Variants in CRTAC1 observed in about 807,000 individuals in gnomAD.
The protein encoded by CRTAC1 is cartilage acidic protein 1, also known as acidic secreted protein in cartilage.
In CRTAC1, 37 loss-of-function variants were observed where a neutral mutation model predicts 67.8. That is an observed-to-expected ratio of 0.55 (90% CI 0.42 to 0.72). The LOEUF is 0.72. CRTAC1 is among the 30% of genes least tolerant of loss of function. CRTAC1 has a pLI of 0.00. For synonymous variants in CRTAC1, 348 were observed against 371.0 expected, an observed-to-expected ratio of 0.94 and a Z score of 0.71; for missense variants, 780 against 931.6, an observed-to-expected ratio of 0.84 and a Z score of 2.12.
At chr10:97,982,167 A>G (rs2051902311) in intron 2 of CRTAC1, among the ~76,000 whole-genome samples, 1 of 152,192 alleles carries the variant, frequency 6.6e-6, no homozygotes, top group Admixed American at 6.5e-5. Flanking sequence ...GACTCACTCA[A>G]ATGATAGCTA....
At chr10:97,956,873 C>T (rs1554926558) in intron 2 of CRTAC1, among the ~76,000 whole-genome samples, 1 of 151,788 alleles carries the variant, frequency 6.6e-6, no homozygotes, top group Non-Finnish European at 1.5e-5. Context: ...GTGGTGTGAT[C>T]TCAGCACACT....
intron 1 of CRTAC1, among the ~76,000 whole-genome samples, chr10:98,019,074 G>T (rs114128941): frequency 3.5e-4 from 53 of 152,254 alleles, no homozygotes; most frequent in East Asian, 2.9e-3. Flanking sequence ...GTTAGCTGGG[G>T]GGGGAGCTGG....
At chr10:97,905,857 C>T (rs1211519860) in intron 6 of CRTAC1, among the ~76,000 whole-genome samples, 28 of 152,212 alleles carry the variant, frequency 1.8e-4, no homozygotes, top group Admixed American at 1.4e-3. Flanking sequence ...ATACTATCCA[C>T]GGAGTGGGTG....
chr10:97,885,231 G>C (rs2050266091), intron 11 of CRTAC1, among the ~76,000 whole-genome samples: 1 of 152,174 alleles, frequency 6.6e-6, no homozygotes, highest in Admixed American at 6.5e-5. Context: ...TGGGCATGGT[G>C]GCTCATGCCT....
intron 2 of CRTAC1, among the ~76,000 whole-genome samples, chr10:97,994,685 C>A (rs1466007381): frequency 3.3e-5 from 5 of 152,156 alleles, no homozygotes. Flanking sequence ...GATTCAACAG[C>A]AAAGGGAGAA....
intron 11 of CRTAC1, among the ~76,000 whole-genome samples, chr10:97,887,121 C>T (rs577241922): frequency 5.3e-5 from 8 of 151,954 alleles, no homozygotes; most frequent in African/African-American, 1.9e-4. Context: ...AGAACAGCTA[C>T]ATGAATGTGT....
Position 97,884,243 on chromosome 10 carries a change from C to T in CRTAC1, c.1595G>A (p.Arg532Gln), listed in dbSNP as rs148785173. Residue 532 changes from arginine to glutamine, a missense_variant, in exon 12 of 15, where the codon CGG (arginine) becomes CAG (glutamine). Coordinates refer to ENST00000370597, the MANE Select transcript of CRTAC1 (RefSeq NM_018058.7). The part of the protein sequence containing the change: ...MNSVLEILYP[R>Q]DEDTLQDPAP... Reference sequence around the variant, plus strand: ...TGGGTCCTGAAGTGTGTCCTCATCCCGGGGGTAGAGGATCTCCAGCACTGA... The same window carrying T: ...TGGGTCCTGAAGTGTGTCCTCATCCTGGGGGTAGAGGATCTCCAGCACTGA... 3.3e-5 allele frequency: 52 copies of T among 1,567,692 alleles called. No homozygotes were observed. Among genetic ancestry groups the T allele is most frequent in the Middle Eastern group, 1.9e-4 (1 of 5,226 alleles).
chr10:97,901,364 A>C, intron 8 of CRTAC1, 139 bp downstream of exon 8: 1 of 970,978 alleles, frequency 1.0e-6, no homozygotes, highest in Non-Finnish European at 1.5e-6. Flanking sequence ...CTGTTTCTTC[A>C]TCAGGGGACC....
intron 14 of CRTAC1, chr10:97,871,594 T>A (rs571709287): frequency 6.6e-6 from 1 of 152,340 alleles, no homozygotes; most frequent in African/African-American, 2.4e-5. Context: ...TTATTCCATT[T>A]AATTCTCGAA....
chr10:98,021,661 A>C lies in CRTAC1; in HGVS notation c.24+8788T>G, dbSNP rs916958925. ...AGAAAGTCCACACGTGGTAGGTAAC[A>C]GTACCAATAATCACACCATTACTAC... On this transcript the variant is annotated intron_variant, in intron 1 of 14. Coordinates refer to ENST00000370597, the MANE Select transcript of CRTAC1 (RefSeq NM_018058.7). Among the ~76,000 whole-genome samples, 27 of 152,258 alleles carry C rather than the reference A, an allele frequency of 1.8e-4. 1 individual carries two copies. The highest frequency in any genetic ancestry group is 1.4e-3 in the Admixed American group (21 of 15,294).
chr10:97,895,363 G>A lies in CRTAC1; in HGVS notation c.1368C>T (p.Ala456=). 6.2e-7 allele frequency: 1 copy of A among 1,611,420 alleles called. No homozygotes were observed. Among genetic ancestry groups the A allele is most frequent in the South Asian group, 1.1e-5 (1 of 90,852 alleles). The change falls in exon 11 of 15, where the codon GCC becomes GCT. Residue 456 remains alanine (A), a synonymous_variant. Coordinates refer to ENST00000370597, the MANE Select transcript of CRTAC1 (RefSeq NM_018058.7). The surrounding 1 kb of genome is among the most constrained non-coding windows in gnomAD (Gnocchi z 4.2). ...LRVVPRTRFG[A]FARGAKVVLY... ...GCACGACCTTAGCTCCCCTGGCAAAGGCCCCAAACCGGGTGCGTGGCACCA... is the reference window on the plus strand; with the variant it reads ...GCACGACCTTAGCTCCCCTGGCAAAAGCCCCAAACCGGGTGCGTGGCACCA...
chr10:97,865,542 C>T lies in CRTAC1; in HGVS notation c.*6G>A, dbSNP rs565111213. On this transcript the variant is annotated 3_prime_UTR_variant, in exon 15 of 15. Coordinates refer to ENST00000370597, the MANE Select transcript of CRTAC1 (RefSeq NM_018058.7). Reference sequence around the variant, plus strand: ...CTCCATCCGCTGGTTCATGTCCCACCCCTGCTCAGCAGCTGGGCTCGCAGC... The same window carrying T: ...CTCCATCCGCTGGTTCATGTCCCACTCCTGCTCAGCAGCTGGGCTCGCAGC... The T allele has an allele frequency of 6.2e-7, 1 of 1,603,884 alleles. No homozygotes were observed. The highest frequency in any genetic ancestry group is 8.5e-7 in the Non-Finnish European group (1 of 1,172,754).
chr10:97,895,533 C>T lies in CRTAC1; in HGVS notation c.1318-120G>A. The T allele has an allele frequency of 1.1e-6, 1 of 910,096 alleles. No homozygotes were observed. Among genetic ancestry groups the T allele is most frequent in the South Asian group, 1.7e-5 (1 of 59,572 alleles). 56.4% of individuals were successfully genotyped at this position (910,096 alleles called of 1,614,324 possible). Reference sequence around the variant, plus strand: ...AGAAGGAGGAAGAGAAGAAAGCAGGCAGAGGAAAAAGATAGAAACAGGAAG... The same window carrying T: ...AGAAGGAGGAAGAGAAGAAAGCAGGTAGAGGAAAAAGATAGAAACAGGAAG... On this transcript the variant is annotated intron_variant, in intron 10 of 14. Coordinates refer to ENST00000370597, the MANE Select transcript of CRTAC1 (RefSeq NM_018058.7). This position sits in a 1 kb window ranked among gnomAD's most constrained non-coding sequence, Gnocchi z 4.2.
chr10:97,906,077 C>A (rs1182546311), intron 6 of CRTAC1, among the ~76,000 whole-genome samples: 1 of 152,138 alleles, frequency 6.6e-6, no homozygotes, highest in Non-Finnish European at 1.5e-5. Flanking sequence ...GGATCAGAGA[C>A]CCCAGGACAC....
At chr10:97,866,567 AAT>A (rs1352526479) in intron 14 of CRTAC1, 2 of 152,204 alleles carry the variant, frequency 1.3e-5, no homozygotes, top group African/African-American at 4.8e-5. Context: ...AGTGTGCGTA[AAT>A]GTGTGAGTCT....
intron 2 of CRTAC1, among the ~76,000 whole-genome samples, chr10:97,956,531 A>G (rs1182215444): frequency 6.8e-6 from 1 of 146,076 alleles, no homozygotes; most frequent in Non-Finnish European, 1.6e-5. Context: ...CCTTCTCATT[A>G]AAAATAAACA....
chr10:97,878,581 C>A lies in CRTAC1; in HGVS notation c.1819+1668G>T, dbSNP rs1280258461. 4.6e-6 allele frequency: 6 copies of A among 1,296,242 alleles called. No homozygotes were observed. The East Asian group carries it at 3.3e-4, about 72-fold the overall frequency. 80.3% of individuals were successfully genotyped at this position (1,296,242 alleles called of 1,614,324 possible). A position where few individuals can be genotyped will look rare whatever the true frequency, so the allele number is the denominator to read the frequency against. Reference sequence around the variant, plus strand: ...TTATAACAAGCCTTCACTACTGAGGCTGGTCGTGAGCATATTCTGTGGCGT... The same window carrying A: ...TTATAACAAGCCTTCACTACTGAGGATGGTCGTGAGCATATTCTGTGGCGT... On this transcript the variant is annotated intron_variant, in intron 14 of 14. Coordinates refer to ENST00000370597, the MANE Select transcript of CRTAC1 (RefSeq NM_018058.7).
chr10:97,936,466 A>G (rs2051090973), intron 2 of CRTAC1, 100 bp from the exon 3 acceptor site: 3 of 947,482 alleles, frequency 3.2e-6, no homozygotes, highest in East Asian at 5.2e-5. Context: ...CGGACACGCC[A>G]TGGGGCAAGT....
At chr10:97,883,983 G>A (rs1172776639) in intron 12 of CRTAC1, among the ~76,000 whole-genome samples, 1 of 152,064 alleles carries the variant, frequency 6.6e-6, no homozygotes, top group African/African-American at 2.4e-5. Context: ...AAAAATGCTT[G>A]CCCTGCCAAT....
Sources: gnomAD v4.1 joint callset for allele counts (sites outside exome capture counted in the v4.1 genomes callset) on GRCh38, gnomAD v4.1.1 for gene constraint, Gnocchi (gnomAD v3.1) non-coding constraint, MANE v1.5 for transcripts, NCBI Gene and HGNC (gene_info 2026-07-23, HGNC 2026-07-21) for gene names.